SLC19A1: variants seen among roughly 807,000 people sequenced by gnomAD.
The protein encoded by SLC19A1 is solute carrier family 19 member 1, also known as reduced folate transporter.
A neutral mutation model predicts 35.3 loss-of-function variants in SLC19A1; 37 were observed. The observed-to-expected ratio is 1.05, with a 90% confidence interval of 0.81 to 1.38. The LOEUF is 1.38. Among genes scored for constraint, SLC19A1 ranks in the 40% most tolerant of loss-of-function variants. The pLI is 0.00. For synonymous variants in SLC19A1, 460 were observed against 398.5 expected, an observed-to-expected ratio of 1.15 and a Z score of -1.84; for missense variants, 831 against 826.9, an observed-to-expected ratio of 1.00 and a Z score of -0.06.
At chr21:45,546,538 T>A (rs559565898), upstream of SLC19A1, among the ~76,000 whole-genome samples, 1 of 152,350 alleles carries the variant, frequency 6.6e-6, no homozygotes, top group Non-Finnish European at 1.5e-5. Flanking sequence ...TGAATCCCGA[T>A]GCCCCCAAGT....
At chr21:45,542,079 G>GC (rs1314110010) in intron 1 of SLC19A1, among the ~76,000 whole-genome samples, 1 of 96,922 alleles carries the variant, frequency 1.0e-5, no homozygotes, top group Admixed American at 9.9e-5. Context: ...GCAGACCCCG[G>GC]CCACGCCCCG....
At chr21:45,525,412 G>C (rs181249666) in intron 5 of SLC19A1, among the ~76,000 whole-genome samples, 1 of 152,218 alleles carries the variant, frequency 6.6e-6, no homozygotes, top group Non-Finnish European at 1.5e-5. Context: ...GAGGGCACCC[G>C]CAGAGGCCTG....
In SLC19A1 at chr21:45,530,131, G is replaced by A. The variant is rs1354985482; in HGVS notation, c.1151+639C>T. ...GTATCCATCTGTGAGCGTGTGGTGT[G>A]TTCATGTGAGTGTGCATTGTGTGTC... On this transcript the variant is annotated intron_variant, in intron 4 of 5. Coordinates refer to ENST00000311124, the MANE Select transcript of SLC19A1 (RefSeq NM_194255.4). This position sits in a 1 kb window ranked among gnomAD's most constrained non-coding sequence, Gnocchi z 5.3. Among the ~76,000 whole-genome samples the A allele has an allele frequency of 6.6e-6, 1 of 151,154 alleles. No individual in the cohort carries two copies. Among genetic ancestry groups the A allele is most frequent in the African/African-American group, 2.4e-5 (1 of 40,998 alleles).
chr21:45,527,227 T>G (rs1198617936), intron 4 of SLC19A1, among the ~76,000 whole-genome samples: 37 of 44,472 alleles, frequency 8.3e-4, no homozygotes, highest in Admixed American at 1.3e-3. Context: ...TGGAGGTGAG[T>G]GGCAATTGGG....
rs1451551330 is a variant in SLC19A1, at chr21:45,534,635, C to G, written c.190-2487G>C. 6.5e-7 allele frequency: 1 copy of G among 1,533,950 alleles called. No individual in the cohort carries two copies. The highest frequency in any genetic ancestry group is 8.7e-7 in the Non-Finnish European group (1 of 1,145,438). On this transcript the variant is annotated intron_variant, in intron 2 of 5. Coordinates refer to ENST00000311124, the MANE Select transcript of SLC19A1 (RefSeq NM_194255.4). The surrounding 1 kb of genome is among the most constrained non-coding windows in gnomAD (Gnocchi z 4.2). ...GCACCTCCTGGTCTTAGTTGAGGGT[C>G]TGAGCGCAGAGCTCCCCCTTGGCAG...
intron 5 of SLC19A1, among the ~76,000 whole-genome samples, chr21:45,524,124 G>A (rs1420219352): frequency 2.7e-5 from 4 of 149,542 alleles, no homozygotes. Context: ...GGGCCTCGGA[G>A]ACTCACCTGC....
intron 1 of SLC19A1, among the ~76,000 whole-genome samples, chr21:45,560,402 C>T (rs539896649): frequency 1.3e-5 from 2 of 151,738 alleles, no homozygotes; most frequent in South Asian, 2.1e-4. Context: ...GTCTTGGAGA[C>T]GCTATGTGGG....
At chr21:45,551,580 G>A (rs1305162701) in intron 1 of SLC19A1, among the ~76,000 whole-genome samples, 4 of 152,136 alleles carry the variant, frequency 2.6e-5, no homozygotes, top group Non-Finnish European at 5.9e-5. Context: ...TTTCCAGTAG[G>A]CAGATGTTGT....
At chr21:45,505,170 C>T (rs963190259) in intron 3 of SLC19A1, 4 of 1,607,448 alleles carry the variant, frequency 2.5e-6, no homozygotes, top group East Asian at 2.2e-5. Context: ...CCAGCCCGGC[C>T]CACCTGGACC....
intron 3 of SLC19A1, chr21:45,507,452 G>GGCACA (rs2037282839): frequency 3.6e-6 from 3 of 835,432 alleles, no homozygotes; most frequent in Non-Finnish European, 5.8e-6. Flanking sequence ...ACCCTCCTGT[G>GGCACA]GGCTGGGAGG....
intron 3 of SLC19A1, chr21:45,507,256 C>T: frequency 2.5e-6 from 1 of 400,242 alleles, no homozygotes; most frequent in South Asian, 2.3e-5. Context: ...GGGTGCTGGG[C>T]AGGGAGGGCA....
At chr21:45,510,973 ACACCCCC>A (rs1245184981), downstream of SLC19A1, 11 of 14,918 alleles carry the variant, frequency 7.4e-4, no homozygotes, top group South Asian at 1.1e-3. Context: ...ACACCCCCAA[ACACCCCC>A]CACACCCCAC....
chr21:45,502,754 C>T (rs2036932176), intron 3 of SLC19A1: 1 of 152,202 alleles, frequency 6.6e-6, no homozygotes, highest in Admixed American at 6.5e-5. Flanking sequence ...ACCCTCAAGT[C>T]AGGGCCAAGA....
rs546369860 is a variant in SLC19A1, at chr21:45,558,142, G to A, written c.-50+4600C>T. ...CCCGTGCTGACGAGAGACTGGAGGC[G>A]GCTTCTGAAAACCCTTCGGGGCCAA... On this transcript the variant is annotated intron_variant, in intron 1 of 5. Transcript: ENST00000650808. 9.2e-5 allele frequency among the ~76,000 whole-genome samples: 14 copies of A among 152,356 alleles called. No homozygotes were observed. In the South Asian group the frequency reaches 2.3e-3, roughly 25 times the overall value.
rs185091740 is a variant in SLC19A1 at position 45,514,780 on chromosome 21, G to A, written c.*878C>T. ...CATCACATCAGATGGTCCCGCACCT[G>A]TGGGCAAGGCACTAGCGCTCCTTAG... On this transcript the variant is annotated 3_prime_UTR_variant, in exon 6 of 6. Coordinates refer to ENST00000311124, the MANE Select transcript of SLC19A1 (RefSeq NM_194255.4). The A allele has an allele frequency of 6.5e-5, 34 of 522,350 alleles. No individual in the cohort carries two copies. The East Asian group carries it at 1.1e-3, about 17-fold the overall frequency. 32.4% of individuals were successfully genotyped at this position (522,350 alleles called of 1,614,324 possible).
At chr21:45,503,867 G>A in intron 3 of SLC19A1, 1 of 712,326 alleles carries the variant, frequency 1.4e-6, no homozygotes, top group South Asian at 1.7e-5. Flanking sequence ...CGGTTAACTA[G>A]GAAGAACCTA....
Position 45,527,940 on chromosome 21 carries a change from T to TA in SLC19A1, c.1152-1983dup, listed in dbSNP as rs35809128. 1.6e-3 allele frequency among the ~76,000 whole-genome samples: 213 copies of TA among 135,624 alleles called. 2 individuals are homozygous for TA. Among genetic ancestry groups the TA allele is most frequent in the Admixed American group, 4.7e-3 (65 of 13,806 alleles). 89.0% of individuals were successfully genotyped at this position (135,624 alleles called of 152,430 possible). ...TTCCAATTAAAATCTGCAAAGTGCTTAAAAAAAAAAAAAAAAAAGAACTGG... is the reference window on the plus strand; with the variant it reads ...TTCCAATTAAAATCTGCAAAGTGCTTAAAAAAAAAAAAAAAAAAAGAACTGG... On this transcript the variant is annotated intron_variant, in intron 4 of 5. Coordinates refer to ENST00000311124, the MANE Select transcript of SLC19A1 (RefSeq NM_194255.4).
chr21:45,504,082 G>T (rs749558448), intron 3 of SLC19A1: 6 of 1,612,614 alleles, frequency 3.7e-6, no homozygotes, highest in East Asian at 2.2e-5. Context: ...GGGGTTGGGG[G>T]CCCCCAAGGT....
At chr21:45,510,787 G>A (rs2037532149), downstream of SLC19A1, among the ~76,000 whole-genome samples, 1 of 152,138 alleles carries the variant, frequency 6.6e-6, no homozygotes, top group Non-Finnish European at 1.5e-5. Flanking sequence ...GCTGGGAGCA[G>A]GCGGCTGTGG....
Sources: gnomAD v4.1 joint callset for allele counts (sites outside exome capture counted in the v4.1 genomes callset) on GRCh38, gnomAD v4.1.1 for gene constraint, Gnocchi (gnomAD v3.1) non-coding constraint, MANE v1.5 for transcripts, NCBI Gene and HGNC (gene_info 2026-07-23, HGNC 2026-07-21) for gene names.